Variants in DIAPH3 observed in about 807,000 individuals in gnomAD.
DIAPH3 encodes the protein diaphanous related formin 3.
DIAPH3 carries 117 observed loss-of-function variants against 144.3 expected under a neutral mutation model. The ratio of observed to expected loss-of-function variants is 0.81; its 90% CI spans 0.70 to 0.95. The LOEUF (loss-of-function observed/expected upper bound fraction) is 0.95. Ranked by LOEUF, DIAPH3 falls within the 40% of genes least tolerant of loss-of-function variation. The pLI is 0.00. For synonymous variants in DIAPH3, 519 were observed against 488.9 expected (o/e 1.06, Z -0.81); for missense variants, 1,421 against 1,412.7 (o/e 1.01, Z -0.09).
At chr13:60,003,585 T>A (rs1022252740) in intron 9 of DIAPH3, among the ~76,000 whole-genome samples, 5 of 151,126 alleles carry the variant, frequency 3.3e-5, no homozygotes, top group Non-Finnish European at 5.9e-5. Flanking sequence ...ATATATATAT[T>A]TTTTATGAGA....
At chr13:59,974,707 A>G (rs2050573365) in intron 14 of DIAPH3, among the ~76,000 whole-genome samples, 1 of 152,068 alleles carries the variant, frequency 6.6e-6, no homozygotes, top group South Asian at 2.1e-4. Context: ...TTCTCTCTGC[A>G]GAGCAAACTG....
intron 2 of DIAPH3, among the ~76,000 whole-genome samples, chr13:60,124,353 T>G (rs2058929318): frequency 6.6e-6 from 1 of 152,182 alleles, no homozygotes; most frequent in Admixed American, 6.5e-5. Flanking sequence ...ATATGTGAAG[T>G]GCTTTCTATA....
chr13:59,743,030 C>T (rs1321007158), intron 27 of DIAPH3, among the ~76,000 whole-genome samples: 1 of 152,108 alleles, frequency 6.6e-6, no homozygotes, highest in African/African-American at 2.4e-5. Flanking sequence ...TCAATTATAG[C>T]CAGGCAGTGG....
At chr13:60,116,915 T>C (rs573144777) in intron 2 of DIAPH3, among the ~76,000 whole-genome samples, 48 of 152,192 alleles carry the variant, frequency 3.2e-4, no homozygotes, top group African/African-American at 1.1e-3. Flanking sequence ...GAGCTTGAAA[T>C]GCAGCATCAG....
intron 18 of DIAPH3, among the ~76,000 whole-genome samples, chr13:59,918,741 A>T (rs933585112): frequency 6.6e-6 from 1 of 152,168 alleles, no homozygotes; most frequent in Non-Finnish European, 1.5e-5. Context: ...TCACACTGAG[A>T]AGAATGGAAT....
At chr13:59,757,643 G>T (rs931249086) in intron 27 of DIAPH3, among the ~76,000 whole-genome samples, 4 of 151,760 alleles carry the variant, frequency 2.6e-5, no homozygotes, top group Non-Finnish European at 5.9e-5. Context: ...CTCGTGATCC[G>T]CCCACCTCGG....
chr13:59,731,121 AG>A (rs1226970918), intron 27 of DIAPH3, among the ~76,000 whole-genome samples: 1 of 152,188 alleles, frequency 6.6e-6, no homozygotes, highest in African/African-American at 2.4e-5. Flanking sequence ...TGACTAAGAA[AG>A]GCTTCTGCTG....
Position 59,729,538 on chromosome 13 carries a change from G to C in DIAPH3, c.3319+44651C>G, listed in dbSNP as rs533389441. Among the ~76,000 whole-genome samples, 45 of 152,204 alleles carry C rather than the reference G, an allele frequency of 3.0e-4. No homozygotes were observed. In the South Asian group the frequency reaches 6.8e-3, roughly 23 times the overall value. ...AAAAACAATTTACCATAACGTGGTA[G>C]CATGAGATCTTTGTGGTACTGAAAT... is the stretch of plus-strand genomic sequence containing the variant. On this transcript the variant is annotated intron_variant, in intron 27 of 27. Coordinates refer to ENST00000400324, the MANE Select transcript of DIAPH3 (RefSeq NM_001042517.2).
In DIAPH3 at chr13:59,839,402, C is replaced by T. The variant is rs539256757; in HGVS notation, c.2784G>A (p.Gln928=). The change falls in exon 23 of 28, where the codon CAG becomes CAA. Residue 928 remains glutamine (Q), a synonymous_variant. Transcript: ENST00000400324. ...CCAATTCCTTCTCAAGCTGTTGAAG[C>T]TGCCTTCCCATCTGCCTCAAATTCT... ...LEKNLRQMGR[Q]LQQLEKELET... 18 of 1,613,636 alleles carry T rather than the reference C, an allele frequency of 1.1e-5. No individual in the cohort carries two copies. Among genetic ancestry groups the T allele is most frequent in the Non-Finnish European group, 1.5e-5 (18 of 1,179,824 alleles).
At chr13:60,098,978 A>C (rs943953054) in intron 3 of DIAPH3, among the ~76,000 whole-genome samples, 7 of 152,208 alleles carry the variant, frequency 4.6e-5, no homozygotes, top group Admixed American at 4.6e-4. Context: ...TTAAATGGAA[A>C]AATCTTATCA....
intron 25 of DIAPH3, among the ~76,000 whole-genome samples, chr13:59,783,904 C>G (rs1035096077): frequency 6.6e-6 from 1 of 152,036 alleles, no homozygotes; most frequent in African/African-American, 2.4e-5. Flanking sequence ...GAAAAGAGAG[C>G]TGAGGGTAAT....
At chr13:59,896,277 A>G (rs546616355) in intron 20 of DIAPH3, among the ~76,000 whole-genome samples, 9 of 152,296 alleles carry the variant, frequency 5.9e-5, no homozygotes, top group Admixed American at 5.9e-4. Context: ...GTCACTAAAT[A>G]AACTTCATAT....
chr13:59,718,586 G>T (rs539965990), intron 27 of DIAPH3, among the ~76,000 whole-genome samples: 7 of 152,012 alleles, frequency 4.6e-5, no homozygotes, highest in Non-Finnish European at 8.8e-5. Flanking sequence ...ACCCCCAAAA[G>T]CAAGTTTCCA....
intron 20 of DIAPH3, among the ~76,000 whole-genome samples, chr13:59,885,826 A>G (rs1428330106): frequency 6.6e-6 from 1 of 152,138 alleles, no homozygotes; most frequent in African/African-American, 2.4e-5. Context: ...TAATGAAGCT[A>G]GCAGAGTGGT....
At chr13:60,089,822 G>A (rs2057872734) in intron 4 of DIAPH3, among the ~76,000 whole-genome samples, 1 of 152,174 alleles carries the variant, frequency 6.6e-6, no homozygotes, top group Admixed American at 6.5e-5. Context: ...ACTAAGTGAG[G>A]GGAGCGTCTT....
In DIAPH3 at chr13:59,666,709, C is replaced by T; in HGVS notation, c.3457G>A (p.Glu1153Lys). 2 of 1,614,148 alleles carry T rather than the reference C, an allele frequency of 1.2e-6. No individual in the cohort carries two copies. Among genetic ancestry groups the T allele is most frequent in the Non-Finnish European group, 1.7e-6 (2 of 1,180,014 alleles). Residue 1153 changes from glutamate (E) to lysine (K), a missense_variant, in exon 28 of 28, where the codon GAG (glutamate) becomes AAG (lysine). By Grantham distance (56) the Glu-to-Lys change is moderately conservative. Coordinates refer to ENST00000400324, the MANE Select transcript of DIAPH3 (RefSeq NM_001042517.2). ...HTSTGRIKAA[E>K]KKEACNVESN... ...TCTACATTACACGCTTCCTTCTTCTCAGCTGCCTTGATCCTCCCAGTAGAC... is the reference window on the plus strand; with the variant it reads ...TCTACATTACACGCTTCCTTCTTCTTAGCTGCCTTGATCCTCCCAGTAGAC...
At chr13:59,763,685 A>C (rs560933678) in intron 27 of DIAPH3, among the ~76,000 whole-genome samples, 16 of 151,544 alleles carry the variant, frequency 1.1e-4, no homozygotes, top group African/African-American at 3.1e-4. Context: ...CCCTGTCACA[A>C]AAAAAAAATT....
At chr13:59,678,144 A>G (rs942813393) in intron 27 of DIAPH3, among the ~76,000 whole-genome samples, 1 of 152,136 alleles carries the variant, frequency 6.6e-6, no homozygotes, top group African/African-American at 2.4e-5. Flanking sequence ...ATCAGGACCT[A>G]TGTGGGGGTT....
chr13:59,853,225 T>A (rs1011762307), intron 22 of DIAPH3, among the ~76,000 whole-genome samples: 1 of 152,192 alleles, frequency 6.6e-6, no homozygotes, highest in Non-Finnish European at 1.5e-5. Context: ...TATAATCTAA[T>A]TGCAAACACA....
Sources: gnomAD v4.1 joint callset for allele counts (sites outside exome capture counted in the v4.1 genomes callset) on GRCh38, gnomAD v4.1.1 for gene constraint, MANE v1.5 for transcripts, NCBI Gene and HGNC (gene_info 2026-07-23, HGNC 2026-07-21) for gene names.